The following NALF1 variants were observed in gnomAD, a reference collection of about 807,000 sequenced individuals.
NALF1 encodes the protein NALCN channel auxiliary factor 1.
Under a neutral mutation model 48.4 loss-of-function variants are expected in NALF1, and 3 were observed. The observed-to-expected ratio is 0.06, with a 90% CI of 0.03 to 0.16. NALF1 has a LOEUF of 0.16. Ranked by LOEUF, NALF1 falls within the 10% of genes least tolerant of loss-of-function variation. The pLI is 1.00. For synonymous variants in NALF1, 262 were observed against 245.7 expected, an observed-to-expected ratio of 1.07 and a Z score of -0.62; for missense variants, 526 against 571.5, an observed-to-expected ratio of 0.92 and a Z score of 0.81.
At chr13:107,697,387 G>T (rs1019669916) in intron 1 of NALF1, among the ~76,000 whole-genome samples, 1 of 151,806 alleles carries the variant, frequency 6.6e-6, no homozygotes, top group Non-Finnish European at 1.5e-5. Flanking sequence ...CAATTCCAAG[G>T]GTTAGAATTA....
At chr13:107,497,736 T>A (rs1201536865) in intron 1 of NALF1, among the ~76,000 whole-genome samples, 1 of 152,218 alleles carries the variant, frequency 6.6e-6, no homozygotes, top group Non-Finnish European at 1.5e-5. Flanking sequence ...GTTTTTCTCA[T>A]CTATTACAGA....
chr13:107,408,923 A>T (rs904712476), intron 1 of NALF1, among the ~76,000 whole-genome samples: 2 of 152,198 alleles, frequency 1.3e-5, no homozygotes, highest in Non-Finnish European at 2.9e-5. Context: ...GTTCATATTA[A>T]AATGTACCAA....
chr13:107,820,878 C>T (rs1879342003), intron 1 of NALF1, among the ~76,000 whole-genome samples: 1 of 152,142 alleles, frequency 6.6e-6, no homozygotes, highest in South Asian at 2.1e-4. Flanking sequence ...ATGCCCCTGC[C>T]ATGTATTTAT....
intron 1 of NALF1, among the ~76,000 whole-genome samples, chr13:107,632,233 CTA>C (rs1408107724): frequency 6.6e-6 from 1 of 152,162 alleles, no homozygotes; most frequent in Non-Finnish European, 1.5e-5. Flanking sequence ...CCATATCTGT[CTA>C]TCTGTCTATC....
At chr13:107,819,793 C>T (rs899863453) in intron 1 of NALF1, among the ~76,000 whole-genome samples, 1 of 150,990 alleles carries the variant, frequency 6.6e-6, no homozygotes, top group Non-Finnish European at 1.5e-5. Flanking sequence ...ACACACACTT[C>T]TTTCTCTTCC....
At chr13:107,560,201 C>T (rs1466970996) in intron 1 of NALF1, among the ~76,000 whole-genome samples, 1 of 152,020 alleles carries the variant, frequency 6.6e-6, no homozygotes, top group Non-Finnish European at 1.5e-5. Context: ...CAGGAATGTG[C>T]ATTTGGAATT....
intron 1 of NALF1, among the ~76,000 whole-genome samples, chr13:107,238,352 A>T (rs1424578179): frequency 6.6e-6 from 1 of 152,172 alleles, no homozygotes; most frequent in African/African-American, 2.4e-5. Context: ...GCTGTTTGCA[A>T]GGTGAGAAGG....
intron 1 of NALF1, among the ~76,000 whole-genome samples, chr13:107,289,449 C>T (rs879297898): frequency 3.9e-5 from 6 of 152,008 alleles, no homozygotes; most frequent in African/African-American, 9.7e-5. Flanking sequence ...CTAAATATTC[C>T]GGATTTTTTT....
chr13:107,248,454 T>C (rs2138841744), intron 1 of NALF1, among the ~76,000 whole-genome samples: 1 of 151,800 alleles, frequency 6.6e-6, no homozygotes, highest in Non-Finnish European at 1.5e-5. Context: ...TTCATAAACC[T>C]AAATTCTTGC....
At chr13:107,713,189 C>T (rs149436473) in intron 1 of NALF1, among the ~76,000 whole-genome samples, 1 of 152,206 alleles carries the variant, frequency 6.6e-6, no homozygotes, top group Non-Finnish European at 1.5e-5. Flanking sequence ...TAATTATGTT[C>T]TTCTAAGCCC....
At chr13:107,351,053 T>C (rs1882863565) in intron 1 of NALF1, among the ~76,000 whole-genome samples, 1 of 152,238 alleles carries the variant, frequency 6.6e-6, no homozygotes. Flanking sequence ...CTATCAAGCT[T>C]TCCTTTGTTG....
chr13:107,590,446 T>C (rs1428934463), intron 1 of NALF1, among the ~76,000 whole-genome samples: 1 of 152,060 alleles, frequency 6.6e-6, no homozygotes, highest in African/African-American at 2.4e-5. Flanking sequence ...GAAAATAGTT[T>C]GAATTTTAGA....
intron 1 of NALF1, among the ~76,000 whole-genome samples, chr13:107,615,398 C>T (rs1879353413): frequency 6.6e-6 from 1 of 152,144 alleles, no homozygotes; most frequent in African/African-American, 2.4e-5. Context: ...TAATTATTTT[C>T]CCCATGACTA....
At chr13:107,843,174 A>G (rs1395869560) in intron 1 of NALF1, among the ~76,000 whole-genome samples, 2 of 152,206 alleles carry the variant, frequency 1.3e-5, no homozygotes, top group Non-Finnish European at 2.9e-5. Flanking sequence ...GATACTTAAA[A>G]TGCTCCAGAT....
chr13:107,324,757 A>C (rs543076892), intron 1 of NALF1, among the ~76,000 whole-genome samples: 2 of 152,216 alleles, frequency 1.3e-5, no homozygotes, highest in Non-Finnish European at 2.9e-5. Context: ...ACTTTTCAAT[A>C]GTTTTTATTA....
chr13:107,827,006 C>T (rs553560070), intron 1 of NALF1, among the ~76,000 whole-genome samples: 2 of 152,308 alleles, frequency 1.3e-5, no homozygotes, highest in Admixed American at 1.3e-4. Flanking sequence ...TGAGTGAAAT[C>T]AGCATGCCTT....
chr13:107,743,532 G>A (rs926726878), intron 1 of NALF1, among the ~76,000 whole-genome samples: 9 of 152,322 alleles, frequency 5.9e-5, no homozygotes, highest in Admixed American at 2.6e-4. Context: ...ACAAGAATCC[G>A]TTAGAGATGA....
chr13:107,395,919 C>A (rs986988277), intron 1 of NALF1, among the ~76,000 whole-genome samples: 1 of 151,992 alleles, frequency 6.6e-6, no homozygotes, highest in Admixed American at 6.6e-5. Flanking sequence ...TCTTTAGAGA[C>A]CCTATCTACA....
chr13:107,537,668 C>G (rs893996426), intron 1 of NALF1, among the ~76,000 whole-genome samples: 1 of 152,056 alleles, frequency 6.6e-6, no homozygotes, highest in African/African-American at 2.4e-5. Flanking sequence ...AGTCCAGACT[C>G]CAGGCAGTGG....
Sources: allele counts gnomAD v4.1 joint callset (sites outside exome capture counted in the v4.1 genomes callset), GRCh38; gene constraint gnomAD v4.1.1; transcripts MANE v1.5; gene names NCBI Gene and HGNC (gene_info 2026-07-23, HGNC 2026-07-21).